Variants in ESR2 observed in about 807,000 individuals in gnomAD.
The protein encoded by ESR2 is estrogen receptor 2, also known as estrogen receptor beta.
Under a neutral mutation model 49.6 loss-of-function variants are expected in ESR2, and 36 were observed. The observed-to-expected ratio is 0.73, with a 90% CI of 0.56 to 0.96. The LOEUF is 0.96. Ranked by LOEUF, ESR2 falls within the 40% of genes least tolerant of loss-of-function variation. The pLI, the probability that ESR2 is intolerant of heterozygous loss-of-function variation, is 0.00. For synonymous variants in ESR2, 320 were observed against 266.1 expected (o/e 1.20, Z -1.97); for missense variants, 714 against 693.0 (o/e 1.03, Z -0.34).
rs960070 is a variant in ESR2, at chr14:64,278,461, G to T, written c.535+1520C>A. Among the ~76,000 whole-genome samples the T allele has an allele frequency of 4.2e-4, 64 of 152,046 alleles. No individual in the cohort carries two copies. The East Asian group carries it at 7.7e-3, about 18-fold the overall frequency. ...GCTTAAGGTAAAACATCCTCTTAGA[G>T]TTATCAATGGGTGAGTTAATTTAGT... On this transcript the variant is annotated intron_variant, in intron 3 of 8. Coordinates refer to ENST00000341099, the MANE Select transcript of ESR2 (RefSeq NM_001437.3).
At chr14:64,260,018 A>G (rs1207735070) in intron 5 of ESR2, among the ~76,000 whole-genome samples, 1 of 152,108 alleles carries the variant, frequency 6.6e-6, no homozygotes, top group African/African-American at 2.4e-5. Flanking sequence ...GAGCCTAGGT[A>G]GGTTCCCTGG....
intron 1 of ESR2, among the ~76,000 whole-genome samples, chr14:64,328,159 T>C (rs1202005862): frequency 6.6e-6 from 1 of 151,360 alleles, no homozygotes; most frequent in Non-Finnish European, 1.5e-5. Flanking sequence ...GAGGTGGAGG[T>C]TGCAGTGAGC....
At chr14:64,260,379 C>A in intron 5 of ESR2, 70 bp downstream of exon 5, 1 of 1,402,434 alleles carries the variant, frequency 7.1e-7, no homozygotes. Context: ...ACTTTGTACT[C>A]TTGCCCCTTA....
chr14:64,310,286 A>AATAATAAT (rs2077170107), intron 1 of ESR2, among the ~76,000 whole-genome samples: 5 of 142,468 alleles, frequency 3.5e-5, no homozygotes, highest in African/African-American at 1.3e-4. Flanking sequence ...TCGTCTCAAA[A>AATAATAAT]AATAATAATA....
chr14:64,273,948 T>TTC (rs1453696056), intron 3 of ESR2, among the ~76,000 whole-genome samples: 1 of 151,398 alleles, frequency 6.6e-6, no homozygotes, highest in Non-Finnish European at 1.5e-5. Flanking sequence ...GACTTTTTTT[T>TTC]TTTTTTTTTG....
intron 1 of ESR2, among the ~76,000 whole-genome samples, chr14:64,289,691 C>T (rs748725228): frequency 7.3e-6 from 1 of 136,194 alleles, no homozygotes; most frequent in Non-Finnish European, 1.5e-5. Context: ...TTTTTGCCTC[C>T]TAATTTTACT....
chr14:64,255,122 T>C (rs541801705), intron 6 of ESR2, among the ~76,000 whole-genome samples: 1 of 152,136 alleles, frequency 6.6e-6, no homozygotes, highest in South Asian at 2.1e-4. Flanking sequence ...GAGAGTTAAT[T>C]GTACTAAAAA....
chr14:64,274,895 T>C (rs1430146954), intron 3 of ESR2, among the ~76,000 whole-genome samples: 2 of 152,240 alleles, frequency 1.3e-5, no homozygotes, highest in East Asian at 1.9e-4. Flanking sequence ...TTAATTTCCA[T>C]GTTTGTATAG....
chr14:64,315,283 C>A (rs984071203), intron 1 of ESR2, among the ~76,000 whole-genome samples: 1 of 147,016 alleles, frequency 6.8e-6, no homozygotes, highest in African/African-American at 2.5e-5. Flanking sequence ...AGAGAGAAGA[C>A]GCTAGTTACC....
At chr14:64,322,467 G>C (rs1249968684) in intron 1 of ESR2, among the ~76,000 whole-genome samples, 3 of 150,916 alleles carry the variant, frequency 2.0e-5, no homozygotes, top group African/African-American at 7.3e-5. Flanking sequence ...CTTGATCCAG[G>C]GGTTTGAGAC....
At chr14:64,278,684 CTT>C (rs1409072984) in intron 3 of ESR2, among the ~76,000 whole-genome samples, 1 of 152,142 alleles carries the variant, frequency 6.6e-6, no homozygotes, top group African/African-American at 2.4e-5. Flanking sequence ...AAGAAAGTGA[CTT>C]CAGCAAATCA....
Position 64,280,320 on chromosome 14 carries a change from T to C in ESR2, c.363-167A>G, listed in dbSNP as rs113329686. On this transcript the variant is annotated intron_variant, in intron 2 of 8. Transcript: ENST00000341099. ...GATACAGCAAAGCTTTTGATACTGA[T>C]ATCATATCTACAAAGAGCCACGCTG... is the stretch of plus-strand genomic sequence containing the variant. Among the ~76,000 whole-genome samples, 945 of 152,336 alleles carry C rather than the reference T, an allele frequency of 6.2e-3. 9 individuals are homozygous for C. The highest frequency in any genetic ancestry group is 0.021 in the African/African-American group (869 of 41,578).
At chr14:64,331,016 T>C (rs1234371289) in intron 1 of ESR2, 1 of 151,646 alleles carries the variant, frequency 6.6e-6, no homozygotes, top group Non-Finnish European at 1.5e-5. Flanking sequence ...TAAGTAGCAG[T>C]ATGGTGGACT....
At chr14:64,292,647 T>C (rs1321835435) in intron 1 of ESR2, among the ~76,000 whole-genome samples, 2 of 152,232 alleles carry the variant, frequency 1.3e-5, no homozygotes, top group South Asian at 2.1e-4. Flanking sequence ...TCCATATTTA[T>C]ATTCTATAAA....
At chr14:64,285,693 T>TCAC (rs1332762135) in intron 1 of ESR2, among the ~76,000 whole-genome samples, 3 of 151,784 alleles carry the variant, frequency 2.0e-5, no homozygotes, top group Non-Finnish European at 2.9e-5. Flanking sequence ...CCAGGCGTGG[T>TCAC]GGTGCATGCC....
chr14:64,276,668 T>C (rs1275785019), intron 3 of ESR2, among the ~76,000 whole-genome samples: 1 of 152,138 alleles, frequency 6.6e-6, no homozygotes, highest in Non-Finnish European at 1.5e-5. Context: ...AAAGTAACCA[T>C]AGCATTAAAA....
chr14:64,290,322 C>T (rs761250340), intron 1 of ESR2, among the ~76,000 whole-genome samples: 12 of 152,132 alleles, frequency 7.9e-5, no homozygotes, highest in Admixed American at 2.6e-4. Context: ...CCTCCCACCT[C>T]GGCCTCCCAA....
chr14:64,287,807 A>G (rs767077486), intron 1 of ESR2, among the ~76,000 whole-genome samples: 1 of 152,204 alleles, frequency 6.6e-6, no homozygotes, highest in Non-Finnish European at 1.5e-5. Context: ...AAGACTCCCC[A>G]AAAGATTTAA....
At chr14:64,318,716 A>G (rs538907417) in intron 1 of ESR2, among the ~76,000 whole-genome samples, 1 of 151,902 alleles carries the variant, frequency 6.6e-6, no homozygotes. Context: ...CCAGGTCAAC[A>G]CAGCAAGATT....
Sources: allele counts gnomAD v4.1 joint callset (sites outside exome capture counted in the v4.1 genomes callset), GRCh38; gene constraint gnomAD v4.1.1; transcripts MANE v1.5; gene names NCBI Gene and HGNC (gene_info 2026-07-23, HGNC 2026-07-21).